The following SHISAL2A variants were observed in gnomAD, a reference collection of about 807,000 sequenced individuals.
SHISAL2A encodes the protein shisa like 2A, also known as protein shisa-like-2A.
A neutral mutation model predicts 11.5 loss-of-function variants in SHISAL2A; 18 were observed. The ratio of observed to expected loss-of-function variants is 1.57; its 90% CI spans 1.08 to 2.33. SHISAL2A has a LOEUF of 2.33. SHISAL2A is among the 30% of genes most tolerant of loss of function. SHISAL2A has a pLI of 0.00. For synonymous variants in SHISAL2A, 94 were observed against 99.6 expected (o/e 0.94, Z 0.34); for missense variants, 261 against 250.9 (o/e 1.04, Z -0.27).
At chr1:52,652,376 A>C (rs989222364) in intron 2 of SHISAL2A, among the ~76,000 whole-genome samples, 1 of 152,130 alleles carries the variant, frequency 6.6e-6, no homozygotes, top group East Asian at 1.9e-4. Context: ...GAACTCCATC[A>C]CTCTGGGCCA....
rs201777412 is a variant in SHISAL2A, at chr1:52,656,918, G to T, written c.451G>T (p.Ala151Ser). 25 of 1,614,058 alleles carry T rather than the reference G, an allele frequency of 1.5e-5. No individual in the cohort carries two copies. Among genetic ancestry groups the T allele is most frequent in the Non-Finnish European group, 1.9e-5 (23 of 1,180,030 alleles). The change falls in exon 3 of 3, where the codon GCT (alanine) becomes TCT (serine). Residue 151 changes from alanine (A) to serine (S), a missense_variant. By Grantham distance (99) the Ala-to-Ser change is moderately conservative. Coordinates refer to ENST00000517870, the MANE Select transcript of SHISAL2A (RefSeq NM_001042693.3). The stretch of plus-strand genomic sequence containing the variant: ...GCAGCTGGAGAGCAATGAGGGGCAG[G>T]CTGTGAACTCCAAACGCCTCCTCCA... ...NPQLESNEGQ[A>S]VNSKRLLHHC...
intron 2 of SHISAL2A, among the ~76,000 whole-genome samples, chr1:52,652,965 CAAAAAAAAAAA>C (rs36154490): frequency 8.5e-4 from 19 of 22,378 alleles, no homozygotes; most frequent in East Asian, 4.1e-3. Flanking sequence ...GACTCTGTCT[CAAAAAAAAAAA>C]AAAAAAAAAA....
At chr1:52,658,044 C>CT (rs10714496), downstream of SHISAL2A, among the ~76,000 whole-genome samples, 66 of 147,858 alleles carry the variant, frequency 4.5e-4, no homozygotes, top group South Asian at 4.7e-3. Context: ...TACTAGAAGA[C>CT]TTTTTTTTTT....
rs182823661 is a variant in SHISAL2A, at chr1:52,639,569, C to T, written c.183-3294C>T. 4.0e-3 allele frequency among the ~76,000 whole-genome samples: 603 copies of T among 151,968 alleles called. 6 individuals carry two copies. Among genetic ancestry groups the T allele is most frequent in the African/African-American group, 0.014 (573 of 41,494 alleles). ...GAGATCGAGACCATCCTGGCTAACA[C>T]GGTGAAACCCTGTCTCTATTAAAAT... is the stretch of plus-strand genomic sequence containing the variant. On this transcript the variant is annotated intron_variant, in intron 1 of 2. Coordinates refer to ENST00000517870, the MANE Select transcript of SHISAL2A (RefSeq NM_001042693.3).
chr1:52,665,744 C>A lies in SHISAL2A; in HGVS notation n.696-1655C>A, dbSNP rs138307034. Among the ~76,000 whole-genome samples the A allele has an allele frequency of 2.3e-3, 353 of 152,248 alleles. 4 individuals carry two copies. Among genetic ancestry groups the A allele is most frequent in the Admixed American group, 0.015 (235 of 15,296 alleles). ...CTTCTTCTCAAGCACCATCCCCCCC[C>A]ACTTCCCTGTACCCCAGATCACATG... On this transcript the variant is annotated intron_variant and non_coding_transcript_variant, in intron 4 of 5. Transcript: ENST00000401050.
chr1:52,661,535 CA>C (rs1691907266), downstream of SHISAL2A, among the ~76,000 whole-genome samples: 1 of 152,216 alleles, frequency 6.6e-6, no homozygotes, highest in Admixed American at 6.5e-5. Context: ...GGCCACAGCC[CA>C]GGAGAGCTCC....
In SHISAL2A at chr1:52,657,031, A is replaced by G; in HGVS notation, c.564A>G (p.Pro188=). The change falls in exon 3 of 3, where the codon CCA becomes CCG. Residue 188 remains proline, a synonymous_variant. Transcript: ENST00000517870. ...ASVPNPDLCG[P]VP The stretch of plus-strand genomic sequence containing the variant: ...TACCCAACCCTGACCTATGTGGACC[A>G]GTCCCATAAACATTCAATAAATGTC... 6.3e-7 allele frequency: 1 copy of G among 1,599,948 alleles called. No individual in the cohort carries two copies. The highest frequency in any genetic ancestry group is 8.5e-7 in the Non-Finnish European group (1 of 1,171,664).
chr1:52,641,534 A>T (rs1280942243), intron 1 of SHISAL2A, among the ~76,000 whole-genome samples: 1 of 152,196 alleles, frequency 6.6e-6, no homozygotes, highest in African/African-American at 2.4e-5. Context: ...CCAAGGCCTG[A>T]CTTGGGGCCA....
intron 1 of SHISAL2A, among the ~76,000 whole-genome samples, chr1:52,641,220 A>G (rs1335928642): frequency 6.6e-6 from 1 of 152,168 alleles, no homozygotes; most frequent in Admixed American, 6.5e-5. Flanking sequence ...CTGTCCTAGC[A>G]AATTAATCAA....
Position 52,633,748 on chromosome 1 carries a change from C to A in SHISAL2A, c.182+73C>A, listed in dbSNP as rs1298207105. ...GCGCCTTCACCCCAGCCTCAGCCCC[C>A]ACCCGAGTGTCCACCTGAACATCAG... is the stretch of plus-strand genomic sequence containing the variant. On this transcript the variant is annotated intron_variant, in intron 1 of 2. Coordinates refer to ENST00000517870, the MANE Select transcript of SHISAL2A (RefSeq NM_001042693.3). This position sits in a 1 kb window ranked among gnomAD's most constrained non-coding sequence, Gnocchi z 6.4. The A allele has an allele frequency of 8.0e-5, 102 of 1,281,172 alleles. No individual in the cohort carries two copies. The Admixed American group carries it at 1.9e-3, about 24-fold the overall frequency. The allele number at this position is 1,281,172 out of a possible 1,614,324, so 79.4% of individuals were successfully genotyped here. A position where few individuals can be genotyped will look rare whatever the true frequency, so the allele number is the denominator to read the frequency against.
chr1:52,634,122 AC>A (rs1691191635), intron 1 of SHISAL2A, among the ~76,000 whole-genome samples: 1 of 151,816 alleles, frequency 6.6e-6, no homozygotes, highest in African/African-American at 2.4e-5. Flanking sequence ...CCCAGTACTG[AC>A]CCCAGACCTT....
intron 1 of SHISAL2A, among the ~76,000 whole-genome samples, chr1:52,635,011 C>G (rs973378425): frequency 6.6e-6 from 1 of 152,184 alleles, no homozygotes; most frequent in Non-Finnish European, 1.5e-5. Context: ...GCCAGGTTAT[C>G]AGATCCTACA....
At chr1:52,645,216 A>G (rs1329962514) in intron 2 of SHISAL2A, among the ~76,000 whole-genome samples, 1 of 152,156 alleles carries the variant, frequency 6.6e-6, no homozygotes, top group Non-Finnish European at 1.5e-5. Context: ...GATCCTGATG[A>G]CTGTGAATAA....
Position 52,639,636 on chromosome 1 carries a change from C to T in SHISAL2A, c.183-3227C>T, listed in dbSNP as rs971568070. On this transcript the variant is annotated intron_variant, in intron 1 of 2. Transcript: ENST00000517870. ...GGCGTGGTGGCGGGTGCTTGTAGTC[C>T]CAGCTACTCGGGAGGCTGAGGCAGG... is the stretch of plus-strand genomic sequence containing the variant. Among the ~76,000 whole-genome samples, 7 of 152,022 alleles carry T rather than the reference C, an allele frequency of 4.6e-5. No homozygotes were observed. In the East Asian group the frequency reaches 5.9e-4, roughly 13 times the overall value.
At chr1:52,635,245 A>G (rs2149871510) in intron 1 of SHISAL2A, among the ~76,000 whole-genome samples, 1 of 152,300 alleles carries the variant, frequency 6.6e-6, no homozygotes, top group South Asian at 2.1e-4. Context: ...TGCCCAAAAA[A>G]ACCAATGCAC....
chr1:52,665,353 C>G (rs1476524368), intron 4 of SHISAL2A, among the ~76,000 whole-genome samples: 6 of 152,124 alleles, frequency 3.9e-5, no homozygotes, highest in Admixed American at 2.6e-4. Context: ...TAACTCTATC[C>G]AAGTGGGAGG....
intron 4 of SHISAL2A, among the ~76,000 whole-genome samples, chr1:52,662,814 C>T (rs1017800410): frequency 6.6e-6 from 1 of 152,136 alleles, no homozygotes; most frequent in African/African-American, 2.4e-5. Flanking sequence ...AGTCATAATT[C>T]CTGCCCTCAG....
intron 2 of SHISAL2A, among the ~76,000 whole-genome samples, chr1:52,643,852 GAAAGA>G (rs1409675425): frequency 1.8e-5 from 1 of 55,078 alleles, no homozygotes; most frequent in Non-Finnish European, 4.4e-5. Context: ...GACTGTCTCA[GAAAGA>G]AAGAAAGAAA....
chr1:52,668,235 G>T (rs2149898515), intron 5 of SHISAL2A, among the ~76,000 whole-genome samples: 1 of 152,268 alleles, frequency 6.6e-6, no homozygotes, highest in East Asian at 1.9e-4. Flanking sequence ...AAAGTCTGAA[G>T]GTAATTAGAC....
Sources: allele counts gnomAD v4.1 joint callset (sites outside exome capture counted in the v4.1 genomes callset), GRCh38; gene constraint gnomAD v4.1.1; non-coding constraint Gnocchi (gnomAD v3.1); transcripts MANE v1.5; gene names NCBI Gene and HGNC (gene_info 2026-07-23, HGNC 2026-07-21).